ALCAM: variants seen among roughly 807,000 people sequenced by gnomAD.
ALCAM encodes activated leukocyte cell adhesion molecule, also known as CD166 antigen.
ALCAM carries 30 observed loss-of-function variants against 70.9 expected under a neutral mutation model. The observed-to-expected ratio is 0.42, with a 90% CI of 0.32 to 0.57. The LOEUF (loss-of-function observed/expected upper bound fraction) is 0.57. Among genes scored for constraint, ALCAM ranks in the 20% least tolerant of loss-of-function variants. ALCAM has a pLI of 0.11. For missense variants in ALCAM, 591 were observed against 695.1 expected (o/e 0.85, Z 1.68); for synonymous variants, 249 against 242.5 (o/e 1.03, Z -0.25).
chr3:105,403,523 A>G (rs1413059958), intron 1 of ALCAM, among the ~76,000 whole-genome samples: 1 of 152,114 alleles, frequency 6.6e-6, no homozygotes, highest in African/African-American at 2.4e-5. Context: ...CCCCACTCCT[A>G]GGAGAAGGGG....
intron 3 of ALCAM, among the ~76,000 whole-genome samples, chr3:105,530,171 G>T (rs946052436): frequency 6.6e-6 from 1 of 151,928 alleles, no homozygotes; most frequent in Non-Finnish European, 1.5e-5. Context: ...AGAAAACTTT[G>T]ACTTACTTAC....
intron 11 of ALCAM, among the ~76,000 whole-genome samples, chr3:105,549,183 T>C (rs1940331038): frequency 6.6e-6 from 1 of 151,460 alleles, no homozygotes; most frequent in African/African-American, 2.4e-5. Flanking sequence ...TCTGGCCCAC[T>C]GGGTGATATG....
intron 1 of ALCAM, among the ~76,000 whole-genome samples, chr3:105,515,947 C>T (rs187953117): frequency 1.3e-3 from 199 of 152,062 alleles, no homozygotes; most frequent in Non-Finnish European, 2.6e-3. Flanking sequence ...TTTGTGAAAC[C>T]GGCATTTAGT....
At chr3:105,481,628 A>T (rs1318070752) in intron 1 of ALCAM, among the ~76,000 whole-genome samples, 1 of 152,210 alleles carries the variant, frequency 6.6e-6, no homozygotes, top group Non-Finnish European at 1.5e-5. Context: ...GTCCATAAAT[A>T]CAGTTTTAAA....
chr3:105,476,658 C>T (rs188814416), intron 1 of ALCAM, among the ~76,000 whole-genome samples: 2 of 152,166 alleles, frequency 1.3e-5, no homozygotes, highest in African/African-American at 4.8e-5. Context: ...TCAATTTGAG[C>T]AAAAATATGC....
chr3:105,510,631 C>G (rs1304442096), intron 1 of ALCAM, among the ~76,000 whole-genome samples: 1 of 152,018 alleles, frequency 6.6e-6, no homozygotes. Flanking sequence ...GGGAAACCAT[C>G]TGAGAGCAGG....
At chr3:105,494,759 A>C (rs1377345719) in intron 1 of ALCAM, among the ~76,000 whole-genome samples, 1 of 151,990 alleles carries the variant, frequency 6.6e-6, no homozygotes, top group Non-Finnish European at 1.5e-5. Flanking sequence ...TCCTGGGCTC[A>C]AGTGATCCCC....
At chr3:105,467,955 A>G (rs1937796886) in intron 1 of ALCAM, among the ~76,000 whole-genome samples, 1 of 151,260 alleles carries the variant, frequency 6.6e-6, no homozygotes, top group African/African-American at 2.4e-5. Flanking sequence ...AATGGGAATC[A>G]GATTTGAGGA....
chr3:105,487,590 G>A (rs1478524972), intron 1 of ALCAM, among the ~76,000 whole-genome samples: 1 of 152,168 alleles, frequency 6.6e-6, no homozygotes, highest in African/African-American at 2.4e-5. Context: ...AAAATAGGAG[G>A]ACTAGAAACA....
chr3:105,514,103 T>C (rs1939316678), intron 1 of ALCAM, among the ~76,000 whole-genome samples: 1 of 151,908 alleles, frequency 6.6e-6, no homozygotes, highest in Non-Finnish European at 1.5e-5. Context: ...CTGGGATTCC[T>C]TTCTATACAG....
chr3:105,424,985 T>TC (rs1349824199), intron 1 of ALCAM, among the ~76,000 whole-genome samples: 1 of 151,680 alleles, frequency 6.6e-6, no homozygotes, highest in Non-Finnish European at 1.5e-5. Flanking sequence ...GAACTTGAAC[T>TC]CTGGGGTGTT....
intron 1 of ALCAM, chr3:105,513,347 T>C (rs879561690): frequency 3.3e-5 from 5 of 151,924 alleles, no homozygotes; most frequent in Non-Finnish European, 5.9e-5. Flanking sequence ...CCAGTGCTTT[T>C]AGTGACATTT....
At chr3:105,551,545 A>G (rs1394404425) in intron 12 of ALCAM, among the ~76,000 whole-genome samples, 1 of 151,666 alleles carries the variant, frequency 6.6e-6, no homozygotes, top group African/African-American at 2.4e-5. Context: ...AGAGTTTAAT[A>G]TTAGATAATA....
At chr3:105,398,953 T>G (rs1355275907) in intron 1 of ALCAM, among the ~76,000 whole-genome samples, 1 of 152,010 alleles carries the variant, frequency 6.6e-6, no homozygotes, top group African/African-American at 2.4e-5. Flanking sequence ...TTCACACTTC[T>G]TTTATTTTGT....
At chr3:105,465,657 T>C (rs774903697) in intron 1 of ALCAM, among the ~76,000 whole-genome samples, 6 of 151,494 alleles carry the variant, frequency 4.0e-5, no homozygotes, top group Non-Finnish European at 7.4e-5. Context: ...TCAAGGTTGA[T>C]AATCCTCAGC....
chr3:105,533,524 A>G, intron 4 of ALCAM, 79 bp from the exon 5 acceptor site: 23 of 1,227,006 alleles, frequency 1.9e-5, no homozygotes, highest in Non-Finnish European at 2.5e-5. Context: ...ATAACTCTGC[A>G]TTGCCTGAGT....
chr3:105,568,666 C>T (rs1051905815), intron 14 of ALCAM, among the ~76,000 whole-genome samples: 2 of 152,196 alleles, frequency 1.3e-5, no homozygotes, highest in Non-Finnish European at 2.9e-5. Context: ...TGTCTCCTTT[C>T]TAAGATTTTT....
At chr3:105,477,873 A>T (rs1009777963) in intron 1 of ALCAM, among the ~76,000 whole-genome samples, 2 of 146,670 alleles carry the variant, frequency 1.4e-5, no homozygotes, top group Non-Finnish European at 3.1e-5. Flanking sequence ...ACAGTATTAG[A>T]TATTTTAAAT....
Position 105,412,857 on chromosome 3 carries a change from G to A in ALCAM, c.73+45376G>A, listed in dbSNP as rs188959725. Among the ~76,000 whole-genome samples, 666 of 152,184 alleles carry A rather than the reference G, an allele frequency of 4.4e-3. 3 individuals carry two copies. Among genetic ancestry groups the A allele is most frequent in the Admixed American group, 9.4e-3 (143 of 15,270 alleles). ...AGATACAAAATAAGAACTGATGGGT[G>A]TGTTAATAGGAATATTAAATAGAAT... On this transcript the variant is annotated intron_variant, in intron 1 of 15. Transcript: ENST00000306107.
Sources: allele counts gnomAD v4.1 joint callset (sites outside exome capture counted in the v4.1 genomes callset), GRCh38; gene constraint gnomAD v4.1.1; transcripts MANE v1.5; gene names NCBI Gene and HGNC (gene_info 2026-07-23, HGNC 2026-07-21).